The following MRPL44 variants were observed in gnomAD, a reference collection of about 807,000 sequenced individuals.
MRPL44 encodes large ribosomal subunit protein mL44.
MRPL44 carries 21 observed loss-of-function variants against 25.9 expected under a neutral mutation model. The observed-to-expected ratio is 0.81, with a 90% CI of 0.58 to 1.17. The LOEUF is 1.17. Ranked by LOEUF, MRPL44 falls within the 50% of genes most tolerant of loss-of-function variation. The pLI is 0.00. For missense variants in MRPL44, 410 were observed against 398.9 expected, an observed-to-expected ratio of 1.03 and a Z score of -0.24; for synonymous variants, 169 against 151.0, an observed-to-expected ratio of 1.12 and a Z score of -0.87.
At chr2:223,956,119 C>G (rs1390700204), upstream of MRPL44, among the ~76,000 whole-genome samples, 1 of 152,150 alleles carries the variant, frequency 6.6e-6, no homozygotes, top group Non-Finnish European at 1.5e-5. Context: ...TTCTCCTAAT[C>G]CATTTATTGG....
the MRPL44 span, among the ~76,000 whole-genome samples, chr2:223,952,271 A>G: frequency 1.3e-5 from 2 of 152,150 alleles, no homozygotes; most frequent in Non-Finnish European, 2.9e-5. Flanking sequence ...CTTAGGGAGT[A>G]TGCCTTCTCT....
At chr2:223,963,612 C>T (rs563205064) in intron 2 of MRPL44, 144 bp from the exon 3 acceptor site, 3 of 476,936 alleles carry the variant, frequency 6.3e-6, no homozygotes, top group Non-Finnish European at 1.0e-5. Flanking sequence ...ACATTTTTGT[C>T]TTTCGTTTCC....
At chr2:223,966,155 G>A (rs928971703) in intron 3 of MRPL44, among the ~76,000 whole-genome samples, 5 of 151,318 alleles carry the variant, frequency 3.3e-5, no homozygotes, top group African/African-American at 4.9e-5. Flanking sequence ...AGAATGGCGC[G>A]AACCCAGGAG....
At chr2:223,959,437 TTTATA>T in intron 1 of MRPL44, 92 bp from the exon 2 acceptor site, 3 of 943,872 alleles carry the variant, frequency 3.2e-6, no homozygotes, top group Non-Finnish European at 4.8e-6. Flanking sequence ...TTTCATTTCC[TTTATA>T]TAATTAATAA....
chr2:223,966,928 G>A lies in MRPL44; in HGVS notation c.893G>A (p.Arg298Gln), dbSNP rs777478867. ...TVLVAEEEAA[R>Q]VALRKLYGFT... Reference sequence around the variant, plus strand: ...TTGGTTGCAGAAGAAGAGGCTGCTCGAGTGGCCCTTAGAAAACTTTATGGA... The same window carrying A: ...TTGGTTGCAGAAGAAGAGGCTGCTCAAGTGGCCCTTAGAAAACTTTATGGA... The change falls in exon 4 of 4, where the codon CGA (arginine) becomes CAA (glutamine). Residue 298 changes from arginine (R) to glutamine (Q), a missense_variant. Transcript: ENST00000258383. 3 of 1,614,052 alleles carry A rather than the reference G, an allele frequency of 1.9e-6. No homozygotes were observed. Among genetic ancestry groups the A allele is most frequent in the Admixed American group, 1.7e-5 (1 of 59,996 alleles).
At position 223,966,843 on chromosome 2, in the gene MRPL44, A is replaced by T; in HGVS notation, c.828-20A>T. On this transcript the variant is annotated intron_variant, in intron 3 of 3. Transcript: ENST00000258383. ...ACAATATTCCATGTAATTTAAGACT[A>T]CTGTTTGTTCTCTTTCTAGTGATAA... 1 of 1,604,102 alleles carries T rather than the reference A, an allele frequency of 6.2e-7. No homozygotes were observed. The highest frequency in any genetic ancestry group is 8.5e-7 in the Non-Finnish European group (1 of 1,175,528).
chr2:223,963,422 G>A (rs1031988451), intron 2 of MRPL44, among the ~76,000 whole-genome samples: 1 of 151,588 alleles, frequency 6.6e-6, no homozygotes, highest in Non-Finnish European at 1.5e-5. Context: ...TCTAGCCTAG[G>A]CAATAGAGTG....
At chr2:223,954,013 G>A (rs1439692808), upstream of MRPL44, among the ~76,000 whole-genome samples, 2 of 152,156 alleles carry the variant, frequency 1.3e-5, no homozygotes, top group African/African-American at 4.8e-5. Context: ...CAAGGAACAC[G>A]TAAAGTGGAA....
At chr2:223,952,579 GTTAAA>G (rs1689508659), upstream of MRPL44, among the ~76,000 whole-genome samples, 1 of 152,156 alleles carries the variant, frequency 6.6e-6, no homozygotes. Context: ...TTGTAGTACT[GTTAAA>G]TTAAGTTTGG....
At chr2:223,962,705 T>G (rs1689682707) in intron 2 of MRPL44, among the ~76,000 whole-genome samples, 1 of 152,158 alleles carries the variant, frequency 6.6e-6, no homozygotes, top group Non-Finnish European at 1.5e-5. Flanking sequence ...AAATTATTTT[T>G]TATTATTTTT....
chr2:223,957,351 CG>C, upstream of MRPL44: 4 of 1,311,894 alleles, frequency 3.0e-6, no homozygotes, highest in Non-Finnish European at 3.2e-6. Flanking sequence ...CGCCCCGCCC[CG>C]GGGGCTGTCT....
intron 2 of MRPL44, among the ~76,000 whole-genome samples, chr2:223,963,375 C>T (rs777382377): frequency 3.3e-5 from 5 of 151,664 alleles, no homozygotes; most frequent in African/African-American, 4.8e-5. Context: ...CCCAGGAGGT[C>T]GAGGTTTCAG....
At chr2:223,955,642 A>G (rs926321683), upstream of MRPL44, among the ~76,000 whole-genome samples, 4 of 152,268 alleles carry the variant, frequency 2.6e-5, no homozygotes, top group Admixed American at 1.3e-4. Flanking sequence ...TCCTCTTCCT[A>G]AGTGTGACTT....
intron 2 of MRPL44, among the ~76,000 whole-genome samples, chr2:223,963,502 C>CT (rs1369757754): frequency 1.3e-5 from 2 of 152,052 alleles, no homozygotes; most frequent in Admixed American, 6.5e-5. Flanking sequence ...GTAGATCATA[C>CT]TGCTTGAAAT....
chr2:223,957,435 C>T, upstream of MRPL44: 2 of 1,612,964 alleles, frequency 1.2e-6, no homozygotes, highest in Non-Finnish European at 1.7e-6. Context: ...ACTGGCCCGA[C>T]TACTTTCGTT....
chr2:223,962,914 C>G (rs763158145), intron 2 of MRPL44, among the ~76,000 whole-genome samples: 1 of 152,068 alleles, frequency 6.6e-6, no homozygotes, highest in Non-Finnish European at 1.5e-5. Flanking sequence ...GTTGGCCAGG[C>G]TACTCTCGAA....
intron 3 of MRPL44, among the ~76,000 whole-genome samples, chr2:223,964,157 T>A (rs1330807266): frequency 1.3e-5 from 2 of 152,238 alleles, no homozygotes; most frequent in Non-Finnish European, 2.9e-5. Flanking sequence ...TTAGGAAGAA[T>A]CTGAGTTTTG....
At chr2:223,958,628 C>G (rs545498372) in intron 1 of MRPL44, among the ~76,000 whole-genome samples, 12 of 152,234 alleles carry the variant, frequency 7.9e-5, no homozygotes, top group African/African-American at 2.9e-4. Context: ...TACTTTGCTT[C>G]CCTTTGTTTC....
upstream of MRPL44, among the ~76,000 whole-genome samples, chr2:223,954,234 A>C (rs1689532325): frequency 6.6e-6 from 1 of 152,224 alleles, no homozygotes; most frequent in South Asian, 2.1e-4. Context: ...TGCATCTAGC[A>C]AAATCCACGC....
Sources: allele counts gnomAD v4.1 joint callset (sites outside exome capture counted in the v4.1 genomes callset), GRCh38; gene constraint gnomAD v4.1.1; transcripts MANE v1.5; gene names NCBI Gene and HGNC (gene_info 2026-07-23, HGNC 2026-07-21).